The following GRB2 variants were observed in gnomAD, a reference collection of about 807,000 sequenced individuals.
GRB2 encodes the protein growth factor receptor bound protein 2.
Under a neutral mutation model 27.4 loss-of-function variants are expected in GRB2, and 2 were observed. The ratio of observed to expected loss-of-function variants is 0.07; its 90% CI spans 0.03 to 0.23. GRB2 has a LOEUF of 0.23. Ranked by LOEUF, GRB2 falls within the 10% of genes least tolerant of loss-of-function variation. GRB2 has a pLI of 1.00. For synonymous variants in GRB2, 94 were observed against 99.6 expected (o/e 0.94, Z 0.33); for missense variants, 102 against 282.4 (o/e 0.36, Z 4.58).
intron 4 of GRB2, among the ~76,000 whole-genome samples, chr17:75,325,277 A>AAC (rs1555608424): frequency 1.2e-5 from 1 of 83,700 alleles, no homozygotes; most frequent in East Asian, 8.3e-4. Flanking sequence ...GAAAGTAAAA[A>AAC]ACATGGAAAT....
At chr17:75,389,562 T>C (rs1044583696) in intron 2 of GRB2, among the ~76,000 whole-genome samples, 4 of 151,970 alleles carry the variant, frequency 2.6e-5, no homozygotes, top group Non-Finnish European at 4.4e-5. Context: ...TTTTAAAAGA[T>C]CTTGCCGGGC....
rs749010443 is a variant in GRB2 at position 75,320,486 on chromosome 17, C to T, written c.536G>A (p.Arg179Gln). 4 of 1,613,746 alleles carry T rather than the reference C, an allele frequency of 2.5e-6. No individual in the cohort carries two copies. The highest frequency in any genetic ancestry group is 2.5e-6 in the Non-Finnish European group (3 of 1,179,808). Residue 179 changes from arginine to glutamine, a missense_variant, in exon 6 of 6, where the codon CGG (arginine) becomes CAG (glutamine). Transcript: ENST00000316804. The surrounding 1 kb of genome is among the most constrained non-coding windows in gnomAD (Gnocchi z 4.3). ...PQEDGELGFR[R>Q]GDFIHVMDNS... ...ATCCATGACATGGATAAAATCTCCC[C>T]GGCGGAAGCCCAGCTCTCCATCCTC...
chr17:75,349,173 G>T (rs1299153424), intron 2 of GRB2, among the ~76,000 whole-genome samples: 1 of 152,200 alleles, frequency 6.6e-6, no homozygotes, highest in Non-Finnish European at 1.5e-5. Context: ...TTAAATAAAA[G>T]AAGCCATTCT....
intron 2 of GRB2, among the ~76,000 whole-genome samples, chr17:75,377,587 C>T (rs1389650476): frequency 4.1e-5 from 5 of 122,552 alleles, no homozygotes; most frequent in Admixed American, 1.1e-4. Flanking sequence ...CAGAGCGAGA[C>T]CCTGTCTCAG....
intron 1 of GRB2, among the ~76,000 whole-genome samples, chr17:75,398,703 A>C (rs4789187): frequency 6.6e-6 from 1 of 152,212 alleles, no homozygotes; most frequent in South Asian, 2.1e-4. Flanking sequence ...GCTCAGCTCA[A>C]TCTTTTTGGT....
chr17:75,383,007 C>A (rs1368006934), intron 2 of GRB2, among the ~76,000 whole-genome samples: 1 of 152,146 alleles, frequency 6.6e-6, no homozygotes, highest in Non-Finnish European at 1.5e-5. Flanking sequence ...CTGCGCCCAG[C>A]CGGCATCCTT....
intron 1 of GRB2, among the ~76,000 whole-genome samples, chr17:75,404,341 T>C (rs2079083937): frequency 6.6e-6 from 1 of 152,084 alleles, no homozygotes; most frequent in Non-Finnish European, 1.5e-5. Context: ...CACGGCTCTC[T>C]AGCAACCCTT....
chr17:75,384,003 C>T (rs1459339527), intron 2 of GRB2, among the ~76,000 whole-genome samples: 2 of 152,156 alleles, frequency 1.3e-5, no homozygotes, highest in African/African-American at 2.4e-5. Flanking sequence ...GATCGCAATG[C>T]CCGATCTGTC....
intron 2 of GRB2, among the ~76,000 whole-genome samples, chr17:75,370,046 T>C (rs1260491822): frequency 6.6e-6 from 1 of 152,186 alleles, no homozygotes; most frequent in African/African-American, 2.4e-5. Flanking sequence ...AATGAATGAA[T>C]GCTTAAAAGT....
intron 2 of GRB2, among the ~76,000 whole-genome samples, chr17:75,376,725 T>A (rs1042801213): frequency 1.3e-5 from 2 of 151,844 alleles, no homozygotes; most frequent in Admixed American, 1.3e-4. Flanking sequence ...CCAGGCAAGG[T>A]GGCTTACACC....
chr17:75,352,936 A>G (rs1291305654), intron 2 of GRB2, among the ~76,000 whole-genome samples: 1 of 150,302 alleles, frequency 6.7e-6, no homozygotes, highest in Admixed American at 6.7e-5. Context: ...CTGTAATCCC[A>G]GCACTTTGGG....
At chr17:75,321,169 C>CTTTTTTTT (rs61287852) in intron 5 of GRB2, among the ~76,000 whole-genome samples, 6 of 120,062 alleles carry the variant, frequency 5.0e-5, no homozygotes, top group African/African-American at 1.9e-4. Flanking sequence ...AACAACAAAT[C>CTTTTTTTT]TTTTTTTTTT....
chr17:75,327,322 G>A (rs930524629), intron 3 of GRB2, among the ~76,000 whole-genome samples: 3 of 151,088 alleles, frequency 2.0e-5, no homozygotes, highest in African/African-American at 4.9e-5. Flanking sequence ...TTGTTGATCC[G>A]CCTGCCTTGG....
At chr17:75,358,030 G>A (rs2078745111) in intron 2 of GRB2, among the ~76,000 whole-genome samples, 1 of 152,160 alleles carries the variant, frequency 6.6e-6, no homozygotes, top group Admixed American at 6.5e-5. Flanking sequence ...CCCGGGAGGT[G>A]GAGGTTGCAG....
chr17:75,402,845 G>A (rs904527439), intron 1 of GRB2, among the ~76,000 whole-genome samples: 5 of 151,888 alleles, frequency 3.3e-5, no homozygotes, highest in Admixed American at 1.3e-4. Flanking sequence ...GGAGGCTGAG[G>A]TGAGTGGATC....
At chr17:75,370,160 A>T (rs2145854372) in intron 2 of GRB2, among the ~76,000 whole-genome samples, 1 of 152,352 alleles carries the variant, frequency 6.6e-6, no homozygotes, top group East Asian at 1.9e-4. Context: ...AACAGAGGTC[A>T]TTGATGCAAC....
intron 2 of GRB2, among the ~76,000 whole-genome samples, chr17:75,351,538 C>T (rs1355808730): frequency 6.6e-6 from 1 of 151,966 alleles, no homozygotes; most frequent in Non-Finnish European, 1.5e-5. Context: ...GCTGTAGTCC[C>T]AGCTACTCTG....
intron 2 of GRB2, among the ~76,000 whole-genome samples, chr17:75,357,116 TG>T (rs1191224970): frequency 6.6e-6 from 1 of 152,240 alleles, no homozygotes; most frequent in Non-Finnish European, 1.5e-5. Context: ...GCTTTCACTT[TG>T]CCACCATCAG....
chr17:75,357,824 G>A (rs979514264), intron 2 of GRB2, among the ~76,000 whole-genome samples: 14 of 152,224 alleles, frequency 9.2e-5, no homozygotes, highest in African/African-American at 3.4e-4. Context: ...GGGAGGCTGA[G>A]GCAGGAGAAC....
Sources: gnomAD v4.1 joint callset for allele counts (sites outside exome capture counted in the v4.1 genomes callset) on GRCh38, gnomAD v4.1.1 for gene constraint, Gnocchi (gnomAD v3.1) non-coding constraint, MANE v1.5 for transcripts, NCBI Gene and HGNC (gene_info 2026-07-23, HGNC 2026-07-21) for gene names.